The following ROBO2 variants were observed in gnomAD, a reference collection of about 807,000 sequenced individuals.
The protein encoded by ROBO2 is roundabout homolog 2.
Under a neutral mutation model 160.8 loss-of-function variants are expected in ROBO2, and 53 were observed. That is an observed-to-expected ratio of 0.33 (90% CI 0.26 to 0.41). The LOEUF is 0.41. ROBO2 is among the 10% of genes least tolerant of loss of function. The pLI is 1.00. For missense variants in ROBO2, 1,577 were observed against 1,722.4 expected, an observed-to-expected ratio of 0.92 and a Z score of 1.49; for synonymous variants, 664 against 611.7, an observed-to-expected ratio of 1.09 and a Z score of -1.26.
At chr3:77,037,550 A>G (rs540824651), upstream of ROBO2, among the ~76,000 whole-genome samples, 2 of 152,274 alleles carry the variant, frequency 1.3e-5, no homozygotes, top group South Asian at 4.1e-4. Context: ...AATTTGTCAT[A>G]CCCTACACAA....
intron 19 of ROBO2, among the ~76,000 whole-genome samples, chr3:77,599,752 T>C (rs1442939693): frequency 6.6e-6 from 1 of 152,156 alleles, no homozygotes; most frequent in Non-Finnish European, 1.5e-5. Flanking sequence ...AGTTACTAAT[T>C]ATAGCATAAA....
intron 2 of ROBO2, among the ~76,000 whole-genome samples, chr3:76,882,497 T>A (rs1052545870): frequency 4.5e-4 from 68 of 152,208 alleles, no homozygotes; most frequent in African/African-American, 1.6e-3. Flanking sequence ...TTTCAGGGTA[T>A]CAAAATAGCT....
intron 2 of ROBO2, among the ~76,000 whole-genome samples, chr3:76,172,927 C>CAT (rs752539778): frequency 3.0e-4 from 46 of 151,410 alleles, no homozygotes; most frequent in Middle Eastern, 3.4e-3. Flanking sequence ...AACATGTAAA[C>CAT]ATATATATAT....
At chr3:77,030,984 C>T (rs2149552429) in intron 2 of ROBO2, among the ~76,000 whole-genome samples, 1 of 152,274 alleles carries the variant, frequency 6.6e-6, no homozygotes, top group East Asian at 1.9e-4. Context: ...ACACTATTTC[C>T]TCCAAAAGCA....
intron 2 of ROBO2, among the ~76,000 whole-genome samples, chr3:76,401,673 A>G (rs1201470630): frequency 6.6e-6 from 1 of 151,478 alleles, no homozygotes; most frequent in Non-Finnish European, 1.5e-5. Flanking sequence ...AATTTATGGT[A>G]CAGATATTAA....
intron 23 of ROBO2, chr3:77,633,115 G>A (rs2095199799): frequency 6.6e-6 from 1 of 152,668 alleles, no homozygotes; most frequent in Non-Finnish European, 1.5e-5. Context: ...ATGGGTCTAA[G>A]GTTGTCGGTC....
intron 2 of ROBO2, among the ~76,000 whole-genome samples, chr3:76,992,363 ATATAT>A (rs2060724921): frequency 2.1e-5 from 1 of 47,412 alleles, no homozygotes; most frequent in African/African-American, 1.2e-4. Context: ...ATATATATAT[ATATAT>A]AAATTTAGCT....
At chr3:76,869,602 G>T (rs1257347725) in intron 2 of ROBO2, among the ~76,000 whole-genome samples, 3 of 151,952 alleles carry the variant, frequency 2.0e-5, no homozygotes, top group Admixed American at 6.6e-5. Flanking sequence ...GCCCGCCTCG[G>T]CCTCCCAAAG....
chr3:77,546,262 A>T, intron 6 of ROBO2, 76 bp from the exon 8 acceptor site: 1 of 1,493,338 alleles, frequency 6.7e-7, no homozygotes, highest in Non-Finnish European at 9.3e-7. Flanking sequence ...TCAACATAGT[A>T]CCATATTTTC....
At chr3:76,119,866 C>T (rs1269773261) in intron 2 of ROBO2, among the ~76,000 whole-genome samples, 5 of 147,888 alleles carry the variant, frequency 3.4e-5, no homozygotes, top group African/African-American at 1.0e-4. Flanking sequence ...CTCTCTCCCT[C>T]CCCTTCCTTC....
chr3:77,057,678 C>T (rs2065894510), intron 1 of ROBO2, among the ~76,000 whole-genome samples: 1 of 141,540 alleles, frequency 7.1e-6, no homozygotes, highest in South Asian at 2.3e-4. Context: ...TCAAGTGATT[C>T]TCATGCTTCA....
intron 2 of ROBO2, among the ~76,000 whole-genome samples, chr3:77,365,697 G>A (rs1245081993): frequency 6.6e-6 from 1 of 152,118 alleles, no homozygotes; most frequent in Non-Finnish European, 1.5e-5. Flanking sequence ...CACATAGCTG[G>A]TAACAAAGTG....
chr3:76,770,361 A>T (rs1407996193), intron 2 of ROBO2, among the ~76,000 whole-genome samples: 1 of 151,384 alleles, frequency 6.6e-6, no homozygotes, highest in Non-Finnish European at 1.5e-5. Context: ...CTGATGGAAA[A>T]TACAACCACT....
At chr3:75,922,883 A>C (rs547614652) in intron 1 of ROBO2, among the ~76,000 whole-genome samples, 5 of 152,192 alleles carry the variant, frequency 3.3e-5, no homozygotes. Flanking sequence ...AGTAGATGGT[A>C]GGAAAATAAT....
At position 77,040,090 on chromosome 3, in the gene ROBO2, C is replaced by A; in HGVS notation, c.-696C>A. 2 of 972,806 alleles carry A rather than the reference C, an allele frequency of 2.1e-6. No individual in the cohort carries two copies. Among genetic ancestry groups the A allele is most frequent in the Non-Finnish European group, 2.4e-6 (2 of 818,858 alleles). The allele number at this position is 972,806 out of a possible 1,614,324, so 60.3% of individuals were successfully genotyped here. On this transcript the variant is annotated 5_prime_UTR_variant, in exon 1 of 26. Coordinates refer to ENST00000461745, the Ensembl canonical transcript of ROBO2. ...TCCCTCCCTCGCTCCTTCCCTGCCT[C>A]CCTCACCACGTAGGAGTTCGGATTC...
chr3:76,910,830 A>C (rs1183061193), intron 2 of ROBO2, among the ~76,000 whole-genome samples: 1 of 152,054 alleles, frequency 6.6e-6, no homozygotes, highest in East Asian at 1.9e-4. Flanking sequence ...TAATCATTAA[A>C]ATATTTTTCA....
intron 2 of ROBO2, among the ~76,000 whole-genome samples, chr3:76,567,769 G>C (rs1430447164): frequency 1.4e-4 from 10 of 72,690 alleles, no homozygotes; most frequent in Non-Finnish European, 2.4e-4. Flanking sequence ...CTGTCTGTGT[G>C]TGTGTGTGTG....
chr3:76,282,337 A>G (rs183608442), intron 2 of ROBO2, among the ~76,000 whole-genome samples: 2 of 152,122 alleles, frequency 1.3e-5, no homozygotes, highest in Admixed American at 1.3e-4. Flanking sequence ...GAAATAATAA[A>G]TTTTACATTG....
At chr3:76,867,179 C>T (rs982167307) in intron 2 of ROBO2, among the ~76,000 whole-genome samples, 1 of 152,098 alleles carries the variant, frequency 6.6e-6, no homozygotes, top group Non-Finnish European at 1.5e-5. Flanking sequence ...GAGGAAATAA[C>T]ATATAATGGA....
Sources: gnomAD v4.1 joint callset for allele counts (sites outside exome capture counted in the v4.1 genomes callset) on GRCh38, gnomAD v4.1.1 for gene constraint, MANE v1.5 for transcripts, NCBI Gene and HGNC (gene_info 2026-07-23, HGNC 2026-07-21) for gene names.